FGFR1: variants seen among roughly 807,000 people sequenced by gnomAD.
FGFR1 encodes fibroblast growth factor receptor 1, also known as FGFR1/PLAG1 fusion.
FGFR1 carries 18 observed loss-of-function variants against 93.7 expected under a neutral mutation model. The observed-to-expected ratio is 0.19, with a 90% CI of 0.13 to 0.28. FGFR1 has a LOEUF of 0.28. Ranked by LOEUF, FGFR1 falls within the 10% of genes least tolerant of loss-of-function variation. FGFR1 has a pLI of 1.00. For synonymous variants in FGFR1, 448 were observed against 429.3 expected (o/e 1.04, Z -0.54); for missense variants, 731 against 1,080.4 (o/e 0.68, Z 4.53).
In FGFR1 at chr8:38,414,632, G is replaced by A. The variant is rs1438544291; in HGVS notation, c.1978-3C>T. 6.2e-7 allele frequency: 1 copy of A among 1,613,852 alleles called. No homozygotes were observed. Among genetic ancestry groups the A allele is most frequent in the South Asian group, 1.1e-5 (1 of 91,078 alleles). On this transcript the variant is annotated splice_region_variant and splice_polypyrimidine_tract_variant and intron_variant, in intron 14 of 17. Coordinates refer to ENST00000447712, the MANE Select transcript of FGFR1 (RefSeq NM_023110.3). ...ATCCACTTCACAGGCAGTCGGCCCTGAAAGCAGCACAGGGGAGGTTGGAGT... is the reference window on the plus strand; with the variant it reads ...ATCCACTTCACAGGCAGTCGGCCCTAAAAGCAGCACAGGGGAGGTTGGAGT...
chr8:38,418,093 A>C (rs1817368096), intron 10 of FGFR1, 102 bp from the exon 11 acceptor site: 2 of 1,608,480 alleles, frequency 1.2e-6, no homozygotes, highest in South Asian at 1.1e-5. Context: ...AACTGCGAGC[A>C]GAAAGTGGAA....
intron 9 of FGFR1, among the ~76,000 whole-genome samples, chr8:38,419,096 G>A (rs907734815): frequency 6.6e-6 from 1 of 152,206 alleles, no homozygotes; most frequent in East Asian, 1.9e-4. Flanking sequence ...CCCCAGCCAC[G>A]TGGAACTGTG....
chr8:38,416,117 C>T (rs1816483279), intron 12 of FGFR1, 57 bp from the exon 13 acceptor site: 3 of 1,513,050 alleles, frequency 2.0e-6, no homozygotes, highest in Non-Finnish European at 1.8e-6. Flanking sequence ...GGTTTGGCTT[C>T]ACCTCAAAGA....
In FGFR1 at chr8:38,421,939, A is replaced by T. The variant is rs1818956372; in HGVS notation, c.939T>A (p.Thr313=). ...CTTTGTCGGTGGTATTAACTCCAGCAGTCTAGAAGAGACAACGGAAGCAAA... is the reference window on the plus strand; with the variant it reads ...CTTTGTCGGTGGTATTAACTCCAGCTGTCTAGAAGAGACAACGGAAGCAAA... ...DNLPYVQILK[T]AGVNTTDKEM... is the part of the protein sequence containing the mutation. Residue 313 remains threonine (T), a splice_region_variant and synonymous_variant, in exon 8 of 18, where the codon ACT becomes ACA. Coordinates refer to ENST00000447712, the MANE Select transcript of FGFR1 (RefSeq NM_023110.3). The T allele has an allele frequency of 1.2e-6, 2 of 1,614,220 alleles. No individual in the cohort carries two copies. The highest frequency in any genetic ancestry group is 2.7e-5 in the African/African-American group (2 of 75,068).
At chr8:38,440,440 G>C in intron 2 of FGFR1, 1 of 1,351,916 alleles carries the variant, frequency 7.4e-7, no homozygotes, top group Non-Finnish European at 1.0e-6. Flanking sequence ...TCCCCAAATA[G>C]AAGGAGAGCT....
intron 2 of FGFR1, among the ~76,000 whole-genome samples, chr8:38,431,510 C>T (rs1823131563): frequency 6.6e-6 from 1 of 152,242 alleles, no homozygotes; most frequent in East Asian, 1.9e-4. Context: ...TTTCTACTCT[C>T]CCTTTTCTCT....
chr8:38,440,037 A>C (rs1276069139), intron 2 of FGFR1, among the ~76,000 whole-genome samples: 1 of 152,080 alleles, frequency 6.6e-6, no homozygotes, highest in Admixed American at 6.5e-5. Context: ...TCCCTATTCC[A>C]TCTTTTTGAT....
At chr8:38,447,751 G>T (rs1829809021) in intron 2 of FGFR1, among the ~76,000 whole-genome samples, 1 of 152,148 alleles carries the variant, frequency 6.6e-6, no homozygotes, top group South Asian at 2.1e-4. Flanking sequence ...AAAGTGCTGG[G>T]ATTATAGGTG....
rs536627208 is a variant in FGFR1, at chr8:38,463,633, A to G, written c.-89+4348T>C. Among the ~76,000 whole-genome samples the G allele has an allele frequency of 1.1e-3, 167 of 152,302 alleles. 1 individual carries two copies. The highest frequency in any genetic ancestry group is 3.9e-3 in the African/African-American group (164 of 41,564). ...AATGAAGGAAAAAAAAGGGCTGATG[A>G]AAAGAAACTGACAGAGATACTCCTC... On this transcript the variant is annotated intron_variant, in intron 1 of 17. Coordinates refer to ENST00000447712, the MANE Select transcript of FGFR1 (RefSeq NM_023110.3).
chr8:38,421,752 C>T (rs1818888327), intron 8 of FGFR1, 45 bp downstream of exon 8: 6 of 1,608,138 alleles, frequency 3.7e-6, no homozygotes, highest in Non-Finnish European at 4.3e-6. Context: ...CCCCCCGTGC[C>T]CGTGGCGAGG....
chr8:38,425,924 T>C, intron 6 of FGFR1, 198 bp downstream of exon 6: 1 of 680,616 alleles, frequency 1.5e-6, no homozygotes, highest in Non-Finnish European at 2.6e-6. Context: ...ACCGTGTTAC[T>C]GTCTGATCTT....
intron 1 of FGFR1, among the ~76,000 whole-genome samples, chr8:38,463,645 C>CA (rs1273824652): frequency 1.3e-5 from 2 of 152,062 alleles, no homozygotes; most frequent in East Asian, 3.9e-4. Context: ...AAGAAACTGA[C>CA]AGAGATACTC....
intron 5 of FGFR1, among the ~76,000 whole-genome samples, chr8:38,427,500 G>A (rs1256224850): frequency 6.6e-6 from 1 of 152,144 alleles, no homozygotes; most frequent in Non-Finnish European, 1.5e-5. Flanking sequence ...GGCTGGTCTC[G>A]AACTCCTGAG....
intron 1 of FGFR1, among the ~76,000 whole-genome samples, chr8:38,460,641 C>T (rs1834169808): frequency 6.6e-6 from 1 of 152,154 alleles, no homozygotes; most frequent in Admixed American, 6.5e-5. Flanking sequence ...CTCTTCCTCT[C>T]CTACCCCTCT....
intron 8 of FGFR1, chr8:38,421,536 G>A (rs1228490200): frequency 1.5e-5 from 8 of 545,300 alleles, no homozygotes; most frequent in South Asian, 6.0e-5. Context: ...CCCAGATCCC[G>A]GGCATGCATT....
Position 38,414,805 on chromosome 8 carries a change from T to A in FGFR1, c.1951A>T (p.Ile651Phe). The A allele has an allele frequency of 6.2e-7, 1 of 1,614,016 alleles. No homozygotes were observed. The change falls in exon 14 of 18, where the codon ATC becomes TTC. Residue 651 changes from isoleucine to phenylalanine, a missense_variant. Physicochemically the swap from Ile to Phe is conservative, Grantham distance 21. Coordinates refer to ENST00000447712, the MANE Select transcript of FGFR1 (RefSeq NM_023110.3). ...DFGLARDIHHIDYYKKTTNGR... is the reference protein window; with the variant it reads ...DFGLARDIHHFDYYKKTTNGR... ...TTGGTTGTCTTTTTATAGTAGTCGATGTGGTGAATGTCCCGTGCGAGGCCA... is the reference window on the plus strand; with the variant it reads ...TTGGTTGTCTTTTTATAGTAGTCGAAGTGGTGAATGTCCCGTGCGAGGCCA...
At chr8:38,434,591 CT>C in intron 2 of FGFR1, 1 of 251,780 alleles carries the variant, frequency 4.0e-6, no homozygotes. Context: ...AAACTGGTCC[CT>C]TCACTTAGAC....
rs562534007 is a variant in FGFR1 at position 38,413,814 on chromosome 8, G to A, written c.2293-10C>T. ...ACAGGTCCAGGTACTCCTGTGATGG[G>A]CGAGAGGAAGCAGCGATGGGCCGGG... On this transcript the variant is annotated splice_polypyrimidine_tract_variant and intron_variant, in intron 17 of 17. Transcript: ENST00000447712. The surrounding 1 kb of genome is among the most constrained non-coding windows in gnomAD (Gnocchi z 4.2). The A allele has an allele frequency of 6.2e-7, 1 of 1,613,964 alleles. No homozygotes were observed. Among genetic ancestry groups the A allele is most frequent in the African/African-American group, 1.3e-5 (1 of 75,006 alleles).
Position 38,424,660 on chromosome 8 carries a change from G to A in FGFR1, c.785C>T (p.Pro262Leu), listed in dbSNP as rs1196509455. ...ACCCAGGGCCACTGTTTTGTTGGCG[G>A]GCAACCCTGCTTGCAGGATGGGCCG... ...PHRPILQAGL[P>L]ANKTVALGSN... The change falls in exon 7 of 18, where the codon CCC becomes CTC. Residue 262 changes from proline to leucine, a missense_variant. Pro to Leu is a moderately conservative substitution (Grantham distance 98). Transcript: ENST00000447712. The surrounding 1 kb of genome is among the most constrained non-coding windows in gnomAD (Gnocchi z 4.3). The A allele has an allele frequency of 5.6e-6, 9 of 1,612,278 alleles. No homozygotes were observed. Among genetic ancestry groups the A allele is most frequent in the Non-Finnish European group, 7.6e-6 (9 of 1,178,490 alleles).
Sources: gnomAD v4.1 joint callset for allele counts (sites outside exome capture counted in the v4.1 genomes callset) on GRCh38, gnomAD v4.1.1 for gene constraint, Gnocchi (gnomAD v3.1) non-coding constraint, MANE v1.5 for transcripts, NCBI Gene and HGNC (gene_info 2026-07-23, HGNC 2026-07-21) for gene names.